CRB1: variants seen among roughly 807,000 people sequenced by gnomAD.
CRB1 encodes the protein crumbs cell polarity complex component 1, also known as protein crumbs homolog 1.
In CRB1, 83 loss-of-function variants were observed where a neutral mutation model predicts 120.0. That is an observed-to-expected ratio of 0.69 (90% confidence interval 0.58 to 0.83). The LOEUF (loss-of-function observed/expected upper bound fraction) is 0.83. Among genes scored for constraint, CRB1 ranks in the 40% least tolerant of loss-of-function variants. The probability of loss-of-function intolerance (pLI) is 0.00; values close to 1 mark genes in which losing one functional copy is unlikely to be tolerated. For synonymous variants in CRB1, 625 were observed against 612.5 expected (o/e 1.02, Z -0.30); for missense variants, 1,699 against 1,687.6 (o/e 1.01, Z -0.12).
the CRB1 span, among the ~76,000 whole-genome samples, chr1:197,225,942 C>G: frequency 3.4e-4 from 52 of 152,232 alleles, no homozygotes; most frequent in South Asian, 2.1e-3. Context: ...CACTCTGTCA[C>G]TCAGGCTGGA....
intron 11 of CRB1, among the ~76,000 whole-genome samples, chr1:197,470,415 G>C (rs1475009871): frequency 1.3e-5 from 2 of 152,166 alleles, no homozygotes; most frequent in Non-Finnish European, 2.9e-5. Flanking sequence ...AGCATTTTCT[G>C]TGTTAAAAAC....
chr1:197,388,000 CTA>C (rs919936121), intron 5 of CRB1, among the ~76,000 whole-genome samples: 146 of 150,316 alleles, frequency 9.7e-4, no homozygotes, highest in African/African-American at 1.8e-3. Context: ...CTCTCTCTCT[CTA>C]TATATATATA....
At chr1:197,323,876 A>T (rs1022002339) in intron 1 of CRB1, among the ~76,000 whole-genome samples, 1 of 152,132 alleles carries the variant, frequency 6.6e-6, no homozygotes, top group African/African-American at 2.4e-5. Context: ...TCTCATGGGG[A>T]TGCTTTGAGA....
chr1:197,447,619 A>G (rs1192156571), intron 11 of CRB1: 1 of 152,092 alleles, frequency 6.6e-6, no homozygotes, highest in African/African-American at 2.4e-5. Context: ...ATGCAGTAAG[A>G]TCACTTGAGT....
the CRB1 span, among the ~76,000 whole-genome samples, chr1:197,240,881 A>G: frequency 4.6e-5 from 7 of 151,582 alleles, no homozygotes; most frequent in African/African-American, 7.3e-5. Context: ...TGACTTTTCA[A>G]TGATCACCAT....
At chr1:197,422,268 T>C (rs1232061345) in intron 6 of CRB1, among the ~76,000 whole-genome samples, 3 of 151,998 alleles carry the variant, frequency 2.0e-5, no homozygotes, top group Non-Finnish European at 4.4e-5. Context: ...TGGTCACATA[T>C]CAGAAATTTA....
intron 11 of CRB1, among the ~76,000 whole-genome samples, chr1:197,464,413 T>C (rs1666664400): frequency 6.6e-6 from 1 of 152,024 alleles, no homozygotes; most frequent in South Asian, 2.1e-4. Flanking sequence ...CTCAGCCATA[T>C]CCCTGAGGAC....
chr1:197,387,554 C>A (rs1303733947), intron 5 of CRB1, among the ~76,000 whole-genome samples: 1 of 151,890 alleles, frequency 6.6e-6, no homozygotes, highest in Non-Finnish European at 1.5e-5. Flanking sequence ...ATTTTGGCAC[C>A]TGGCGTACTA....
chr1:197,287,906 T>C (rs934039345), intron 1 of CRB1, among the ~76,000 whole-genome samples: 2 of 151,848 alleles, frequency 1.3e-5, no homozygotes, highest in Non-Finnish European at 2.9e-5. Context: ...GCAACACATA[T>C]GAAACAATGG....
At chr1:197,272,792 G>C (rs1402489400) in intron 1 of CRB1, among the ~76,000 whole-genome samples, 2 of 152,144 alleles carry the variant, frequency 1.3e-5, no homozygotes, top group Non-Finnish European at 2.9e-5. Context: ...AAGAGGCACA[G>C]GGGACTTTTA....
chr1:197,363,822 A>G (rs1461998143), intron 5 of CRB1: 4 of 800,322 alleles, frequency 5.0e-6, no homozygotes, highest in Admixed American at 3.5e-5. Context: ...AGTTCATGGC[A>G]AAACATCTGA....
At chr1:197,368,064 A>G (rs1372204247) in intron 5 of CRB1, among the ~76,000 whole-genome samples, 2 of 152,196 alleles carry the variant, frequency 1.3e-5, no homozygotes, top group African/African-American at 2.4e-5. Context: ...ATAGAGGGCC[A>G]AGCATATATC....
chr1:197,347,308 G>C, intron 3 of CRB1, 32 bp from the exon 4 acceptor site: 1 of 1,598,792 alleles, frequency 6.3e-7, no homozygotes. Context: ...ATATGACTAA[G>C]AGTTGACATG....
chr1:197,205,581 C>A, the CRB1 span, among the ~76,000 whole-genome samples: 14 of 152,294 alleles, frequency 9.2e-5, no homozygotes, highest in East Asian at 1.2e-3. Flanking sequence ...ACCATCCCTG[C>A]ATCTCTGGTA....
At chr1:197,334,642 G>A (rs1025456208) in intron 2 of CRB1, among the ~76,000 whole-genome samples, 1 of 152,106 alleles carries the variant, frequency 6.6e-6, no homozygotes, top group Non-Finnish European at 1.5e-5. Context: ...TTAAACATCC[G>A]GAGCTAAGAG....
At chr1:197,461,714 G>A (rs750038559) in intron 11 of CRB1, among the ~76,000 whole-genome samples, 31 of 152,144 alleles carry the variant, frequency 2.0e-4, no homozygotes, top group Non-Finnish European at 3.8e-4. Context: ...GTGAGGTCCA[G>A]ATTGGGCTCG....
At chr1:197,344,035 T>C (rs1341770212) in intron 2 of CRB1, among the ~76,000 whole-genome samples, 1 of 152,222 alleles carries the variant, frequency 6.6e-6, no homozygotes, top group Non-Finnish European at 1.5e-5. Context: ...AAATGACTTA[T>C]TTGTTTTCAC....
chr1:197,290,133 T>A (rs1656083148), intron 1 of CRB1, among the ~76,000 whole-genome samples: 1 of 151,818 alleles, frequency 6.6e-6, no homozygotes, highest in South Asian at 2.1e-4. Flanking sequence ...TTAAAAACAT[T>A]TGTTGTATTT....
intron 4 of CRB1, among the ~76,000 whole-genome samples, chr1:197,352,662 G>A (rs1175941050): frequency 6.7e-6 from 1 of 148,350 alleles, no homozygotes; most frequent in Non-Finnish European, 1.5e-5. Flanking sequence ...GTTGGGTCTT[G>A]ATCTGACATG....
Sources: gnomAD v4.1 joint callset for allele counts (sites outside exome capture counted in the v4.1 genomes callset) on GRCh38, gnomAD v4.1.1 for gene constraint, MANE v1.5 for transcripts, NCBI Gene and HGNC (gene_info 2026-07-23, HGNC 2026-07-21) for gene names.